DLC1: variants seen among roughly 807,000 people sequenced by gnomAD.
The protein encoded by DLC1 is rho GTPase-activating protein 7.
In DLC1, 54 loss-of-function variants were observed where a neutral mutation model predicts 140.3. The ratio of observed to expected loss-of-function variants is 0.38; its 90% CI spans 0.31 to 0.48. The LOEUF is 0.48. Ranked by LOEUF, DLC1 falls within the 20% of genes least tolerant of loss-of-function variation. DLC1 has a pLI of 0.96. For missense variants in DLC1, 2,536 were observed against 1,907.0 expected (o/e 1.33, Z -6.14); for synonymous variants, 986 against 728.1 (o/e 1.35, Z -5.70).
At chr8:13,186,417 C>A (rs1456347395) in intron 5 of DLC1, among the ~76,000 whole-genome samples, 1 of 152,132 alleles carries the variant, frequency 6.6e-6, no homozygotes, top group African/African-American at 2.4e-5. Flanking sequence ...ATCACTGATA[C>A]CCTTTCTTCC....
chr8:13,094,118 T>C (rs888283643), intron 12 of DLC1, among the ~76,000 whole-genome samples: 9 of 152,242 alleles, frequency 5.9e-5, no homozygotes, highest in African/African-American at 2.2e-4. Flanking sequence ...GTAGACAAGG[T>C]GGAGACAGAA....
rs916785792 is a variant in DLC1, at chr8:13,209,426, C to G, written c.1349-93769G>C. On this transcript the variant is annotated intron_variant, in intron 5 of 17. Coordinates refer to ENST00000276297, the MANE Select transcript of DLC1 (RefSeq NM_182643.3). Reference sequence around the variant, plus strand: ...TAGGAAAAGTAGCTAAGCTCACTCACTAGTGGATGACTTCTGCTCATCAGT... The same window carrying G: ...TAGGAAAAGTAGCTAAGCTCACTCAGTAGTGGATGACTTCTGCTCATCAGT... Among the ~76,000 whole-genome samples the G allele has an allele frequency of 2.0e-5, 3 of 152,106 alleles. No individual in the cohort carries two copies. The East Asian group carries it at 5.8e-4, about 29-fold the overall frequency.
At position 13,158,747 on chromosome 8, in the gene DLC1, C is replaced by T. The variant is rs1469248121; in HGVS notation, c.1349-43090G>A. On this transcript the variant is annotated intron_variant, in intron 5 of 17. Coordinates refer to ENST00000276297, the MANE Select transcript of DLC1 (RefSeq NM_182643.3). ...AACCACCACCCTCCCCCCCCCCCCC[C>T]GCCCGCCACACATCTCTCCTCTTTT... 3.3e-5 allele frequency among the ~76,000 whole-genome samples: 3 copies of T among 91,342 alleles called. 1 individual carries two copies. The highest frequency in any genetic ancestry group is 6.2e-5 in the Non-Finnish European group (3 of 48,036). The allele number at this position is 91,342 out of a possible 152,430, so 59.9% of individuals were successfully genotyped here.
At position 13,418,001 on chromosome 8, in the gene DLC1, A is replaced by G. The variant is rs550913196; in HGVS notation, c.1024-16382T>C. On this transcript the variant is annotated intron_variant, in intron 2 of 17. Coordinates refer to ENST00000276297, the MANE Select transcript of DLC1 (RefSeq NM_182643.3). ...ATTTTTTCATGTGTCTTTTGGCTGCATAAATGTCTTCTTTTGAGAAGTGTC... is the reference window on the plus strand; with the variant it reads ...ATTTTTTCATGTGTCTTTTGGCTGCGTAAATGTCTTCTTTTGAGAAGTGTC... Among the ~76,000 whole-genome samples the G allele has an allele frequency of 2.0e-5, 3 of 152,192 alleles. No individual in the cohort carries two copies. In the South Asian group the frequency reaches 6.2e-4, roughly 32 times the overall value.
chr8:13,432,950 T>C (rs1398368288), intron 2 of DLC1, among the ~76,000 whole-genome samples: 2 of 149,476 alleles, frequency 1.3e-5, no homozygotes, highest in Admixed American at 6.7e-5. Context: ...TCCTTTTTTT[T>C]TTTTTTTTTT....
chr8:13,257,082 G>T lies in DLC1; in HGVS notation c.1348+48187C>A, dbSNP rs532765364. ...TATTGGAAGATATGATCGAGACCAA[G>T]TTCCACCCTAAACTTCTGTAGCACT... On this transcript the variant is annotated intron_variant, in intron 5 of 17. Coordinates refer to ENST00000276297, the MANE Select transcript of DLC1 (RefSeq NM_182643.3). Among the ~76,000 whole-genome samples, 3 of 152,100 alleles carry T rather than the reference G, an allele frequency of 2.0e-5. No individual in the cohort carries two copies. The South Asian group carries it at 6.2e-4, about 32-fold the overall frequency.
chr8:13,199,953 A>G (rs1353126883), intron 5 of DLC1, among the ~76,000 whole-genome samples: 1 of 152,194 alleles, frequency 6.6e-6, no homozygotes, highest in Non-Finnish European at 1.5e-5. Flanking sequence ...GCCTGCATGT[A>G]TTAAGTATTT....
intron 2 of DLC1, among the ~76,000 whole-genome samples, chr8:13,463,072 T>C (rs1014589575): frequency 8.1e-6 from 1 of 123,310 alleles, no homozygotes; most frequent in Non-Finnish European, 1.8e-5. Context: ...TACATAGTCT[T>C]AAAAAACAAA....
At chr8:13,092,528 G>A in intron 13 of DLC1, 84 bp downstream of exon 13, 1 of 1,456,014 alleles carries the variant, frequency 6.9e-7, no homozygotes, top group Non-Finnish European at 9.4e-7. Context: ...TCAGGAAAGA[G>A]TCCCACAAAA....
chr8:13,404,315 A>G (rs1042531548), intron 2 of DLC1, among the ~76,000 whole-genome samples: 5 of 152,068 alleles, frequency 3.3e-5, no homozygotes, highest in African/African-American at 9.7e-5. Context: ...CCCCTGACCC[A>G]TTTCAAGCTG....
chr8:13,129,786 T>G (rs1821925034), intron 5 of DLC1, among the ~76,000 whole-genome samples: 1 of 152,222 alleles, frequency 6.6e-6, no homozygotes, highest in Non-Finnish European at 1.5e-5. Context: ...AATTCGGTCT[T>G]TAATGATTTG....
At chr8:13,394,148 C>T (rs368805193) in intron 3 of DLC1, among the ~76,000 whole-genome samples, 1 of 152,226 alleles carries the variant, frequency 6.6e-6, no homozygotes, top group Non-Finnish European at 1.5e-5. Context: ...ACCTCAATCT[C>T]TTCTATGTTC....
At chr8:13,509,456 C>T (rs1216597759) in intron 1 of DLC1, among the ~76,000 whole-genome samples, 1 of 152,186 alleles carries the variant, frequency 6.6e-6, no homozygotes, top group African/African-American at 2.4e-5. Flanking sequence ...ATCATCTCAT[C>T]TTAATTATGT....
chr8:13,249,322 C>G (rs1327416325), intron 5 of DLC1, among the ~76,000 whole-genome samples: 1 of 152,172 alleles, frequency 6.6e-6, no homozygotes, highest in Non-Finnish European at 1.5e-5. Flanking sequence ...AGGCAATCCA[C>G]CCGCCTCAGC....
At chr8:13,250,735 T>TGGA (rs1204676543) in intron 5 of DLC1, among the ~76,000 whole-genome samples, 5 of 145,126 alleles carry the variant, frequency 3.4e-5, no homozygotes, top group African/African-American at 1.0e-4. Flanking sequence ...TTAAGCAGAG[T>TGGA]GGAAGTTGCT....
At chr8:13,546,008 T>A (rs1415481258) in intron 1 of DLC1, among the ~76,000 whole-genome samples, 1 of 152,098 alleles carries the variant, frequency 6.6e-6, no homozygotes, top group East Asian at 1.9e-4. Context: ...GTGCGTTGGC[T>A]TCCAGGATAT....
chr8:13,559,077 C>A (rs919727412), intron 1 of DLC1: 1 of 152,272 alleles, frequency 6.6e-6, no homozygotes, highest in Non-Finnish European at 1.5e-5. Context: ...GCAACTGCCT[C>A]TGCTAGCCAG....
At position 13,206,959 on chromosome 8, in the gene DLC1, T is replaced by C. The variant is rs568455580; in HGVS notation, c.1349-91302A>G. Among the ~76,000 whole-genome samples, 14 of 152,266 alleles carry C rather than the reference T, an allele frequency of 9.2e-5. No homozygotes were observed. In the South Asian group the frequency reaches 2.7e-3, roughly 29 times the overall value. ...TACTGAGAATACATTTTTTTAAACATTACATAATTTGTTTCTCCAAGATAA... is the reference window on the plus strand; with the variant it reads ...TACTGAGAATACATTTTTTTAAACACTACATAATTTGTTTCTCCAAGATAA... On this transcript the variant is annotated intron_variant, in intron 5 of 17. Transcript: ENST00000276297.
At chr8:13,591,296 C>A (rs927434423) in intron 1 of DLC1, among the ~76,000 whole-genome samples, 1 of 152,110 alleles carries the variant, frequency 6.6e-6, no homozygotes, top group African/African-American at 2.4e-5. Flanking sequence ...CCATAATCCC[C>A]ACATATCATG....
Sources: gnomAD v4.1 joint callset for allele counts (sites outside exome capture counted in the v4.1 genomes callset) on GRCh38, gnomAD v4.1.1 for gene constraint, MANE v1.5 for transcripts, NCBI Gene and HGNC (gene_info 2026-07-23, HGNC 2026-07-21) for gene names.